The following BARD1 variants were observed in gnomAD, a reference collection of about 807,000 sequenced individuals.
BARD1 encodes the protein BRCA1-associated RING domain protein 1.
A neutral mutation model predicts 77.0 loss-of-function variants in BARD1; 73 were observed. The ratio of observed to expected loss-of-function variants is 0.95; its 90% CI spans 0.79 to 1.15. The LOEUF (loss-of-function observed/expected upper bound fraction) is 1.15, where lower values mean the gene tolerates loss of function less well. BARD1 is among the 50% of genes most tolerant of loss of function. The pLI, the probability that BARD1 is intolerant of heterozygous loss-of-function variation, is 0.00. For missense variants in BARD1, 993 were observed against 938.8 expected (o/e 1.06, Z -0.75); for synonymous variants, 384 against 338.0 (o/e 1.14, Z -1.49).
At chr2:214,733,436 G>A (rs1574713077) in intron 9 of BARD1, among the ~76,000 whole-genome samples, 1 of 152,042 alleles carries the variant, frequency 6.6e-6, no homozygotes, top group Admixed American at 6.6e-5. Context: ...TTGTGTCTGC[G>A]TTTAGACTGT....
rs1391384847 is a variant in BARD1 at position 214,793,063 on chromosome 2, C to G, written c.216-618G>C. Among the ~76,000 whole-genome samples the G allele has an allele frequency of 2.6e-5, 4 of 152,104 alleles. 1 individual carries two copies. On this transcript the variant is annotated intron_variant, in intron 2 of 10. Transcript: ENST00000260947. ...TAAAAAGAGGGATTCACGATCCCCCCCACAAGCCCATCTGTGAATTCCAGA... is the reference window on the plus strand; with the variant it reads ...TAAAAAGAGGGATTCACGATCCCCCGCACAAGCCCATCTGTGAATTCCAGA...
rs1692123567 is a variant in BARD1, at chr2:214,727,305, T to A, written c.*1371A>T. On this transcript the variant is annotated 3_prime_UTR_variant, in exon 11 of 11. Coordinates refer to ENST00000260947, the MANE Select transcript of BARD1 (RefSeq NM_000465.4). ...AAGTAAGTGCATCTTAAGATGTTGA[T>A]GAACTTCAGAGATTCTCACTATTTT... 4.3e-6 allele frequency: 1 copy of A among 231,524 alleles called. No individual in the cohort carries two copies. Among genetic ancestry groups the A allele is most frequent in the Non-Finnish European group, 8.5e-6 (1 of 117,040 alleles). 14.3% of individuals were successfully genotyped at this position (231,524 alleles called of 1,614,324 possible). A position where few individuals can be genotyped will look rare whatever the true frequency, so the allele number is the denominator to read the frequency against.
intron 4 of BARD1, among the ~76,000 whole-genome samples, chr2:214,772,944 T>C (rs1353551012): frequency 6.6e-6 from 1 of 152,236 alleles, no homozygotes; most frequent in Non-Finnish European, 1.5e-5. Context: ...ATAATTGAAC[T>C]TTTCTTAAAC....
At chr2:214,758,017 T>C (rs10182579) in intron 6 of BARD1, among the ~76,000 whole-genome samples, 16,623 of 152,166 alleles carry the variant, frequency 0.11, 1,053 homozygotes, top group African/African-American at 0.16. Flanking sequence ...TCTCGAACTG[T>C]AAGCTATGGT....
intron 9 of BARD1, among the ~76,000 whole-genome samples, chr2:214,742,695 A>G (rs1443872381): frequency 6.6e-6 from 1 of 152,152 alleles, no homozygotes; most frequent in Non-Finnish European, 1.5e-5. Context: ...CAAAACCCAC[A>G]TTTCCCAAAG....
At chr2:214,800,088 C>T (rs1265531941) in intron 1 of BARD1, among the ~76,000 whole-genome samples, 1 of 152,226 alleles carries the variant, frequency 6.6e-6, no homozygotes, top group Non-Finnish European at 1.5e-5. Context: ...ATACTTGACT[C>T]AACGCCTTGA....
intron 7 of BARD1, among the ~76,000 whole-genome samples, chr2:214,751,113 GTGTGTATATA>G (rs1345206556): frequency 2.4e-3 from 22 of 9,148 alleles, no homozygotes; most frequent in Middle Eastern, 0.1. Context: ...GTGTGTGTGT[GTGTGTATATA>G]TATATATATA....
chr2:214,804,062 A>C (rs16852780), intron 1 of BARD1, among the ~76,000 whole-genome samples: 1 of 152,190 alleles, frequency 6.6e-6, no homozygotes, highest in East Asian at 1.9e-4. Context: ...ATTAGGCAAG[A>C]CAGCTCCCAA....
chr2:214,750,028 C>A (rs1693331346), intron 7 of BARD1, among the ~76,000 whole-genome samples: 1 of 152,074 alleles, frequency 6.6e-6, no homozygotes, highest in African/African-American at 2.4e-5. Context: ...CTGTAGCTAC[C>A]TTAGGCTACC....
rs376639978 is a variant in BARD1, at chr2:214,730,513, C to T, written c.1904-5G>A. On this transcript the variant is annotated splice_region_variant and splice_polypyrimidine_tract_variant and intron_variant, in intron 9 of 10. Transcript: ENST00000260947. ...TTCGTAGACATGCTTTTACCCCTGACAAAAACACAAGAATTAAAGCAAACT... is the reference window on the plus strand; with the variant it reads ...TTCGTAGACATGCTTTTACCCCTGATAAAAACACAAGAATTAAAGCAAACT... The T allele has an allele frequency of 5.0e-6, 8 of 1,610,658 alleles. No individual in the cohort carries two copies. The highest frequency in any genetic ancestry group is 1.1e-5 in the South Asian group (1 of 91,022).
rs375029767 is a variant in BARD1, at chr2:214,767,571, T to C, written c.1479A>G (p.Gln493=). 28 of 1,613,986 alleles carry C rather than the reference T, an allele frequency of 1.7e-5. No individual in the cohort carries two copies. The highest frequency in any genetic ancestry group is 2.2e-5 in the East Asian group (1 of 44,892). ...HKALVNTTGY[Q]NDSPLHDAAK... ...CTGCATCGTGAAGTGGTGAGTCATT[T>C]TGATACCCGGTGGTGTTCACCAATG... The change falls in exon 6 of 11, where the codon CAA becomes CAG. Residue 493 remains glutamine (Q), a synonymous_variant. Coordinates refer to ENST00000260947, the MANE Select transcript of BARD1 (RefSeq NM_000465.4).
intron 4 of BARD1, among the ~76,000 whole-genome samples, chr2:214,776,196 AT>A: frequency 6.6e-6 from 1 of 152,216 alleles, no homozygotes; most frequent in African/African-American, 2.4e-5. Context: ...AGTCATTGCC[AT>A]TTTAAGAATT....
At chr2:214,786,997 A>T (rs1474579113) in intron 3 of BARD1, among the ~76,000 whole-genome samples, 1 of 151,966 alleles carries the variant, frequency 6.6e-6, no homozygotes, top group East Asian at 1.9e-4. Flanking sequence ...TACCAGGATT[A>T]CTTTTCAAGA....
chr2:214,728,122 A>G lies in BARD1; in HGVS notation c.*554T>C, dbSNP rs1161097984. The G allele has an allele frequency of 1.3e-5, 3 of 229,612 alleles. No individual in the cohort carries two copies. The highest frequency in any genetic ancestry group is 1.3e-4 in the East Asian group (2 of 15,954). 14.2% of individuals were successfully genotyped at this position (229,612 alleles called of 1,614,324 possible). A position where few individuals can be genotyped will look rare whatever the true frequency, so the allele number is the denominator to read the frequency against. On this transcript the variant is annotated 3_prime_UTR_variant, in exon 11 of 11. Transcript: ENST00000260947. Reference sequence around the variant, plus strand: ...ATAAAAAACAGGGATGAAAGTGTAGAAACACACAACAAAGTAAATTATTAA... The same window carrying G: ...ATAAAAAACAGGGATGAAAGTGTAGGAACACACAACAAAGTAAATTATTAA...
chr2:214,769,073 A>G (rs1308527522), intron 5 of BARD1, among the ~76,000 whole-genome samples, 159 bp downstream of exon 5: 1 of 152,250 alleles, frequency 6.6e-6, no homozygotes, highest in East Asian at 1.9e-4. Context: ...ATGAAAAGCT[A>G]GAAGGAAAGT....
At chr2:214,753,417 A>C (rs763292097) in intron 6 of BARD1, among the ~76,000 whole-genome samples, 2 of 152,172 alleles carry the variant, frequency 1.3e-5, no homozygotes, top group Admixed American at 1.3e-4. Context: ...TTTCAAAATG[A>C]GCAATTCTTT....
At chr2:214,779,155 G>A (rs1694864685) in intron 4 of BARD1, among the ~76,000 whole-genome samples, 1 of 152,138 alleles carries the variant, frequency 6.6e-6, no homozygotes, top group Admixed American at 6.6e-5. Context: ...ATGTGGTCAT[G>A]TTGTAAGGTC....
rs748867360 is a variant in BARD1, at chr2:214,767,555, G to C, written c.1495C>G (p.His499Asp). The C allele has an allele frequency of 6.2e-7, 1 of 1,614,050 alleles. No homozygotes were observed. The highest frequency in any genetic ancestry group is 8.5e-7 in the Non-Finnish European group (1 of 1,179,930). The change falls in exon 6 of 11, where the codon CAC becomes GAC. Residue 499 changes from histidine to aspartate, a missense_variant. Coordinates refer to ENST00000260947, the MANE Select transcript of BARD1 (RefSeq NM_000465.4). ...ACATGCCCATTCTTGGCTGCATCGT[G>C]AAGTGGTGAGTCATTTTGATACCCG... The part of the protein sequence containing the change: ...TTGYQNDSPL[H>D]DAAKNGHVDI...
intron 1 of BARD1, 47 bp from the exon 2 acceptor site, chr2:214,797,164 AAACATCTCAC>A: frequency 7.1e-7 from 1 of 1,414,358 alleles, no homozygotes; most frequent in Non-Finnish European, 1.0e-6. Context: ...ATTGTTAGAT[AAACATCTCAC>A]ACCCAATATT....
Sources: allele counts gnomAD v4.1 joint callset (sites outside exome capture counted in the v4.1 genomes callset), GRCh38; gene constraint gnomAD v4.1.1; transcripts MANE v1.5; gene names NCBI Gene and HGNC (gene_info 2026-07-23, HGNC 2026-07-21).